Variants in PRH1 observed in about 807,000 individuals in gnomAD.
The protein encoded by PRH1 is salivary acidic proline-rich phosphoprotein 1/2.
Under a neutral mutation model 7.9 loss-of-function variants are expected in PRH1, and 7 were observed. That is an observed-to-expected ratio of 0.89 (90% CI 0.50 to 1.67). PRH1 has a LOEUF of 1.67. Ranked by LOEUF, PRH1 falls within the 40% of genes most tolerant of loss-of-function variation. The pLI, the probability that PRH1 is intolerant of heterozygous loss-of-function variation, is 0.00. For synonymous variants in PRH1, 45 were observed against 80.8 expected (o/e 0.56, Z 2.38); for missense variants, 109 against 223.6 (o/e 0.49, Z 3.27).
intron 1 of PRH1, among the ~76,000 whole-genome samples, chr12:11,161,313 T>A (rs1947406521): frequency 1.3e-5 from 2 of 152,186 alleles, no homozygotes; most frequent in Non-Finnish European, 2.9e-5. Flanking sequence ...TTGGAGCTAT[T>A]TGTGATGCAG....
chr12:11,102,195 T>C (rs1324983757), intron 1 of PRH1, among the ~76,000 whole-genome samples: 1 of 152,138 alleles, frequency 6.6e-6, no homozygotes, highest in Non-Finnish European at 1.5e-5. Context: ...AAAACTACTT[T>C]AAAGTTCATA....
At chr12:10,927,723 T>A (rs1228843806) in intron 2 of PRH1, among the ~76,000 whole-genome samples, 1 of 152,236 alleles carries the variant, frequency 6.6e-6, no homozygotes. Flanking sequence ...CTTGTCTTTA[T>A]GATTTTCTGT....
intron 2 of PRH1, among the ~76,000 whole-genome samples, chr12:10,905,249 G>A (rs1949787042): frequency 6.7e-6 from 1 of 148,566 alleles, no homozygotes; most frequent in African/African-American, 2.5e-5. Context: ...TCACTCTGTT[G>A]TCCTCTCACT....
chr12:11,123,096 C>T (rs2136329528), intron 1 of PRH1, among the ~76,000 whole-genome samples: 1 of 152,292 alleles, frequency 6.6e-6, no homozygotes, highest in East Asian at 1.9e-4. Flanking sequence ...CCTATATGTC[C>T]TTATTCATGG....
chr12:11,110,747 A>C (rs1945566012), intron 1 of PRH1, among the ~76,000 whole-genome samples: 1 of 152,204 alleles, frequency 6.6e-6, no homozygotes, highest in African/African-American at 2.4e-5. Flanking sequence ...TACATCAACT[A>C]ATGAAGCAAA....
chr12:11,035,639 T>C (rs1164415154), intron 1 of PRH1, among the ~76,000 whole-genome samples: 1 of 152,180 alleles, frequency 6.6e-6, no homozygotes, highest in Non-Finnish European at 1.5e-5. Context: ...TGTAATACTT[T>C]GGTCAAAGAA....
intron 2 of PRH1, among the ~76,000 whole-genome samples, chr12:10,954,532 A>G (rs891749486): frequency 6.6e-6 from 1 of 152,164 alleles, no homozygotes; most frequent in African/African-American, 2.4e-5. Flanking sequence ...CAGTGGCGCA[A>G]TCTCAGCCTA....
chr12:11,062,211 T>A, intron 1 of PRH1: 1 of 1,598,742 alleles, frequency 6.3e-7, no homozygotes, highest in Non-Finnish European at 8.6e-7. Context: ...AATTTACCAA[T>A]GCTATGAAGC....
intron 1 of PRH1, among the ~76,000 whole-genome samples, chr12:11,053,595 T>C (rs768576200): frequency 2.6e-5 from 4 of 152,268 alleles, no homozygotes; most frequent in Non-Finnish European, 5.9e-5. Flanking sequence ...CCCACAATGA[T>C]ATCTCTTGGA....
chr12:10,889,555 T>C (rs977252225), intron 2 of PRH1, among the ~76,000 whole-genome samples: 1 of 152,200 alleles, frequency 6.6e-6, no homozygotes, highest in African/African-American at 2.4e-5. Flanking sequence ...TTATGCTCTT[T>C]GCTGTGTTTG....
At chr12:11,054,039 T>C (rs1319653408) in intron 1 of PRH1, among the ~76,000 whole-genome samples, 2 of 152,196 alleles carry the variant, frequency 1.3e-5, no homozygotes, top group African/African-American at 4.8e-5. Context: ...CAGGCTGGTC[T>C]GGAACTCCTG....
intron 1 of PRH1, among the ~76,000 whole-genome samples, chr12:11,093,051 A>C (rs937759900): frequency 1.7e-5 from 2 of 116,330 alleles, no homozygotes; most frequent in African/African-American, 5.8e-5. Flanking sequence ...CTAGTATGCA[A>C]ATAGGGACAT....
intron 2 of PRH1, among the ~76,000 whole-genome samples, chr12:10,963,492 G>T (rs538665138): frequency 4.6e-5 from 7 of 152,254 alleles, no homozygotes; most frequent in African/African-American, 1.7e-4. Context: ...TTTTTAAAAA[G>T]ATTTTTAAAT....
chr12:11,077,066 T>C (rs1298082094), intron 1 of PRH1: 1 of 115,818 alleles, frequency 8.6e-6, no homozygotes, highest in East Asian at 2.1e-4. Flanking sequence ...TATTATACAA[T>C]GAACTATAAG....
At chr12:10,990,351 G>C (rs1157812214) in intron 1 of PRH1, among the ~76,000 whole-genome samples, 1 of 152,202 alleles carries the variant, frequency 6.6e-6, no homozygotes, top group Non-Finnish European at 1.5e-5. Context: ...GATGTTTGAT[G>C]AGTGATAGTG....
intron 1 of PRH1, among the ~76,000 whole-genome samples, chr12:10,985,486 G>C (rs946956852): frequency 2.0e-5 from 3 of 152,058 alleles, no homozygotes; most frequent in Non-Finnish European, 2.9e-5. Context: ...AAAAAATTTA[G>C]ATGTTTAAGC....
intron 1 of PRH1, chr12:10,985,934 G>C (rs763671317): frequency 6.4e-7 from 1 of 1,574,460 alleles, no homozygotes; most frequent in South Asian, 1.2e-5. Context: ...TGTGAATCTA[G>C]AGAGTTGAGA....
chr12:11,043,890 T>C (rs1016907782), intron 1 of PRH1, among the ~76,000 whole-genome samples: 15 of 152,140 alleles, frequency 9.9e-5, no homozygotes, highest in African/African-American at 3.4e-4. Context: ...AGATTCAATG[T>C]AATTCCTATC....
chr12:11,150,303 A>T (rs1011481852), intron 1 of PRH1, among the ~76,000 whole-genome samples: 58 of 152,164 alleles, frequency 3.8e-4, no homozygotes, highest in African/African-American at 1.4e-3. Context: ...CATTTGACCC[A>T]GCCATCCCAT....
Sources: gnomAD v4.1 joint callset for allele counts (sites outside exome capture counted in the v4.1 genomes callset) on GRCh38, gnomAD v4.1.1 for gene constraint, MANE v1.5 for transcripts, NCBI Gene and HGNC (gene_info 2026-07-23, HGNC 2026-07-21) for gene names.